Variants in TOX observed in about 807,000 individuals in gnomAD.
TOX encodes thymocyte selection associated high mobility group box.
TOX carries 11 observed loss-of-function variants against 53.7 expected under a neutral mutation model. The ratio of observed to expected loss-of-function variants is 0.20; its 90% CI spans 0.13 to 0.34. The LOEUF is 0.34. Ranked by LOEUF, TOX falls within the 10% of genes least tolerant of loss-of-function variation. TOX has a pLI of 1.00. For synonymous variants in TOX, 225 were observed against 245.3 expected (o/e 0.92, Z 0.77); for missense variants, 570 against 664.6 (o/e 0.86, Z 1.56).
chr8:59,036,133 C>G (rs1420687806), intron 1 of TOX, among the ~76,000 whole-genome samples: 1 of 152,126 alleles, frequency 6.6e-6, no homozygotes, highest in Non-Finnish European at 1.5e-5. Flanking sequence ...GCAGGTCAGA[C>G]TTAGGTAGTG....
intron 3 of TOX, among the ~76,000 whole-genome samples, chr8:58,884,785 A>C (rs973188127): frequency 6.6e-6 from 1 of 152,118 alleles, no homozygotes; most frequent in Non-Finnish European, 1.5e-5. Flanking sequence ...CCCTTGCTTA[A>C]ATTTCTTTTA....
intron 1 of TOX, among the ~76,000 whole-genome samples, chr8:59,072,516 A>G (rs1157957225): frequency 6.6e-6 from 1 of 152,222 alleles, no homozygotes; most frequent in Non-Finnish European, 1.5e-5. Context: ...AGGGAAATAC[A>G]CAAATTATGC....
intron 1 of TOX, among the ~76,000 whole-genome samples, chr8:59,023,094 A>T (rs1488389073): frequency 6.6e-6 from 1 of 152,190 alleles, no homozygotes; most frequent in Non-Finnish European, 1.5e-5. Flanking sequence ...TGAAGTTCAG[A>T]CCAATGATGT....
intron 3 of TOX, among the ~76,000 whole-genome samples, chr8:58,879,566 G>T (rs1811347683): frequency 6.6e-6 from 1 of 151,766 alleles, no homozygotes; most frequent in African/African-American, 2.4e-5. Context: ...CATTATAAAT[G>T]AAAAAAAATA....
chr8:58,972,020 G>A (rs952822340), intron 1 of TOX, among the ~76,000 whole-genome samples: 2 of 152,110 alleles, frequency 1.3e-5, no homozygotes, highest in Non-Finnish European at 2.9e-5. Context: ...TTATGTAAAT[G>A]CAGTTATACC....
At chr8:58,849,027 C>T (rs929580934) in intron 4 of TOX, among the ~76,000 whole-genome samples, 3 of 152,020 alleles carry the variant, frequency 2.0e-5, no homozygotes, top group Non-Finnish European at 2.9e-5. Context: ...TACAACATTC[C>T]ACATAAATCC....
At chr8:59,088,670 T>C (rs1804555382) in intron 1 of TOX, among the ~76,000 whole-genome samples, 1 of 152,172 alleles carries the variant, frequency 6.6e-6, no homozygotes, top group Non-Finnish European at 1.5e-5. Flanking sequence ...ACTAAAAAAA[T>C]TGCATATGAT....
chr8:58,952,094 T>C (rs898859287), intron 2 of TOX, among the ~76,000 whole-genome samples: 15 of 152,150 alleles, frequency 9.9e-5, no homozygotes, highest in Non-Finnish European at 2.1e-4. Context: ...CTTGGCACTT[T>C]TTTAAAGGTG....
At chr8:58,859,770 T>C (rs1810976151) in intron 3 of TOX, among the ~76,000 whole-genome samples, 1 of 152,186 alleles carries the variant, frequency 6.6e-6, no homozygotes, top group South Asian at 2.1e-4. Context: ...GAATTTGGTG[T>C]GTTCAGAGCA....
At chr8:58,937,313 T>A (rs1016075865) in intron 3 of TOX, among the ~76,000 whole-genome samples, 1 of 152,206 alleles carries the variant, frequency 6.6e-6, no homozygotes, top group Non-Finnish European at 1.5e-5. Flanking sequence ...TAGGGAAACA[T>A]CATGTTGAGG....
intron 1 of TOX, among the ~76,000 whole-genome samples, chr8:59,036,687 G>C (rs1814465279): frequency 6.6e-6 from 1 of 152,082 alleles, no homozygotes; most frequent in African/African-American, 2.4e-5. Flanking sequence ...TTTTTCTATA[G>C]TATCAGTGTT....
chr8:59,060,423 T>A (rs535957557), intron 1 of TOX, among the ~76,000 whole-genome samples: 1 of 152,176 alleles, frequency 6.6e-6, no homozygotes, highest in African/African-American at 2.4e-5. Flanking sequence ...GTCAGGAGAT[T>A]GAGACCAGCC....
chr8:58,816,797 T>C (rs1380985237), intron 6 of TOX, among the ~76,000 whole-genome samples: 2 of 152,034 alleles, frequency 1.3e-5, no homozygotes, highest in African/African-American at 2.4e-5. Flanking sequence ...GCTCTCGGGG[T>C]CCTTCTGCTC....
At chr8:59,079,129 G>T (rs1804350509) in intron 1 of TOX, among the ~76,000 whole-genome samples, 1 of 152,174 alleles carries the variant, frequency 6.6e-6, no homozygotes, top group African/African-American at 2.4e-5. Context: ...GGGTGCAAAG[G>T]AATGACTTAA....
At chr8:58,913,048 C>G (rs983244431) in intron 3 of TOX, among the ~76,000 whole-genome samples, 2 of 152,172 alleles carry the variant, frequency 1.3e-5, no homozygotes, top group Non-Finnish European at 2.9e-5. Flanking sequence ...ACGAACTGGC[C>G]CCAATCGAAT....
chr8:59,109,342 G>T (rs550764572), intron 1 of TOX, among the ~76,000 whole-genome samples: 1 of 152,120 alleles, frequency 6.6e-6, no homozygotes, highest in Non-Finnish European at 1.5e-5. Context: ...TCTCTTCTAC[G>T]ACCTAGCTTA....
chr8:58,983,620 A>G (rs1194387458), intron 1 of TOX, among the ~76,000 whole-genome samples: 1 of 152,252 alleles, frequency 6.6e-6, no homozygotes, highest in Admixed American at 6.5e-5. Context: ...ATATCAAATG[A>G]ATAAAAATAA....
intron 2 of TOX, among the ~76,000 whole-genome samples, chr8:58,952,797 C>T (rs1812643857): frequency 6.6e-6 from 1 of 152,154 alleles, no homozygotes; most frequent in South Asian, 2.1e-4. Context: ...CTCACACCTA[C>T]CCAGAAACAA....
chr8:59,089,107 T>C (rs1804561912), intron 1 of TOX, among the ~76,000 whole-genome samples: 1 of 152,212 alleles, frequency 6.6e-6, no homozygotes, highest in African/African-American at 2.4e-5. Context: ...TGAAATCACT[T>C]TGTGAAAGGC....
Sources: allele counts gnomAD v4.1 joint callset (sites outside exome capture counted in the v4.1 genomes callset), GRCh38; gene constraint gnomAD v4.1.1; transcripts MANE v1.5; gene names NCBI Gene and HGNC (gene_info 2026-07-23, HGNC 2026-07-21).